COL6A5: variants seen among roughly 807,000 people sequenced by gnomAD.
The protein encoded by COL6A5 is collagen type VI alpha 5 chain.
Under a neutral mutation model 65.6 loss-of-function variants are expected in COL6A5, and 48 were observed. The ratio of observed to expected loss-of-function variants is 0.73; its 90% confidence interval spans 0.58 to 0.93. The LOEUF is 0.93. Among genes scored for constraint, COL6A5 ranks in the 40% least tolerant of loss-of-function variants. COL6A5 has a pLI of 0.00. For synonymous variants in COL6A5, 291 were observed against 322.8 expected (o/e 0.90, Z 1.05); for missense variants, 914 against 928.3 (o/e 0.98, Z 0.20).
intron 1 of COL6A5, among the ~76,000 whole-genome samples, chr3:130,371,059 A>G (rs571470153): frequency 9.2e-5 from 14 of 152,250 alleles, no homozygotes; most frequent in African/African-American, 3.1e-4. Flanking sequence ...AGCTCTGAAC[A>G]TTTACTGGCT....
intron 5 of COL6A5, 33 bp from the exon 6 acceptor site, chr3:130,388,547 G>T (rs1447965377): frequency 3.4e-6 from 5 of 1,473,550 alleles, no homozygotes; most frequent in Non-Finnish European, 4.5e-6. Context: ...TTCCAACCTG[G>T]TTATTTCTGG....
chr3:130,476,835 T>C (rs926955277), intron 7 of COL6A5: 17 of 653,900 alleles, frequency 2.6e-5, no homozygotes, highest in Admixed American at 2.3e-4. Context: ...TGTAATGATA[T>C]TATATACATC....
chr3:130,442,064 A>G (rs930543068), intron 3 of COL6A5, among the ~76,000 whole-genome samples: 6 of 152,162 alleles, frequency 3.9e-5, no homozygotes, highest in African/African-American at 1.4e-4. Context: ...TTCATATTCA[A>G]TTAAAGAATC....
intron 8 of COL6A5, 92 bp downstream of exon 8, chr3:130,395,557 T>C (rs1936569559): frequency 1.1e-6 from 1 of 910,184 alleles, no homozygotes; most frequent in East Asian, 2.6e-5. Flanking sequence ...GCAGAGCATA[T>C]ATTTAGAACA....
chr3:130,415,497 A>G (rs1937311834), intron 22 of COL6A5, 148 bp from the exon 23 acceptor site: 3 of 612,562 alleles, frequency 4.9e-6, no homozygotes, highest in Non-Finnish European at 8.0e-6. Context: ...CCTGTCCTCA[A>G]TGACTCTTAA....
chr3:130,380,120 T>G, intron 4 of COL6A5, 70 bp downstream of exon 4: 1 of 1,155,532 alleles, frequency 8.7e-7, no homozygotes, highest in South Asian at 1.8e-5. Flanking sequence ...AGGGTGGGAG[T>G]GAGGATCAAC....
intron 1 of COL6A5, among the ~76,000 whole-genome samples, chr3:130,357,799 A>G (rs1007624356): frequency 6.6e-6 from 1 of 152,192 alleles, no homozygotes; most frequent in Non-Finnish European, 1.5e-5. Context: ...CTTAAATCTT[A>G]GGTTAAAATA....
At chr3:130,425,991 A>G (rs943086217) in intron 29 of COL6A5, among the ~76,000 whole-genome samples, 2 of 152,184 alleles carry the variant, frequency 1.3e-5, no homozygotes, top group Non-Finnish European at 2.9e-5. Flanking sequence ...ACTTTGGTAA[A>G]CATTAGCTTA....
intron 1 of COL6A5, among the ~76,000 whole-genome samples, chr3:130,433,092 A>G (rs1383426226): frequency 2.6e-5 from 4 of 152,186 alleles, no homozygotes; most frequent in South Asian, 2.1e-4. Flanking sequence ...GAGAGAATCA[A>G]TCTGTTCCTA....
intron 1 of COL6A5, among the ~76,000 whole-genome samples, chr3:130,361,851 C>T (rs190771342): frequency 2.3e-3 from 355 of 152,064 alleles, no homozygotes; most frequent in Non-Finnish European, 3.6e-3. Context: ...TTTTCATATG[C>T]TTGTTAGCCA....
chr3:130,363,718 A>T (rs538538350), intron 1 of COL6A5, among the ~76,000 whole-genome samples: 2 of 152,288 alleles, frequency 1.3e-5, no homozygotes, highest in Admixed American at 6.5e-5. Flanking sequence ...GAGCTCCCTG[A>T]GGTAAAACTT....
chr3:130,418,083 A>G (rs1490522810), intron 24 of COL6A5, among the ~76,000 whole-genome samples: 2 of 152,084 alleles, frequency 1.3e-5, no homozygotes, highest in Non-Finnish European at 2.9e-5. Context: ...GTAACAAGAT[A>G]AGGCAATAGA....
chr3:130,372,492 A>G (rs907839697), intron 1 of COL6A5, among the ~76,000 whole-genome samples: 1 of 152,136 alleles, frequency 6.6e-6, no homozygotes, highest in Non-Finnish European at 1.5e-5. Context: ...ACTCAGCCAT[A>G]AAAAAGAATT....
intron 27 of COL6A5, 145 bp downstream of exon 27, chr3:130,421,505 C>A: frequency 1.4e-6 from 1 of 730,734 alleles, no homozygotes; most frequent in Admixed American, 2.5e-5. Context: ...AGGAAAGAAT[C>A]ATATTTAACC....
intron 6 of COL6A5, among the ~76,000 whole-genome samples, chr3:130,390,643 G>A (rs1936363291): frequency 6.6e-6 from 1 of 152,094 alleles, no homozygotes; most frequent in Non-Finnish European, 1.5e-5. Context: ...AAGGTTAGGG[G>A]AAAAAGCATA....
chr3:130,457,401 C>T (rs1043353256), intron 5 of COL6A5, among the ~76,000 whole-genome samples: 3 of 151,984 alleles, frequency 2.0e-5, no homozygotes, highest in Non-Finnish European at 4.4e-5. Flanking sequence ...TTGCATCAGT[C>T]ATTGTTAATG....
intron 1 of COL6A5, 42 bp downstream of exon 33, chr3:130,431,991 G>A: frequency 6.5e-7 from 1 of 1,535,246 alleles, no homozygotes; most frequent in Non-Finnish European, 8.8e-7. Flanking sequence ...TTAAGATAGA[G>A]GTAGGTATTG....
intron 1 of COL6A5, among the ~76,000 whole-genome samples, chr3:130,438,386 T>C (rs75522939): frequency 0.014 from 2,192 of 151,784 alleles, 61 homozygotes; most frequent in African/African-American, 0.049. Flanking sequence ...AAATATTTGT[T>C]GAATGAATGA....
At position 130,421,487 on chromosome 3, in the gene COL6A5, G is replaced by A. The variant is rs771724640; in HGVS notation, c.5037+127G>A. ...AACCAAGGACAGTTGTTTTCCTTGG[G>A]CTTCCTGAGGAAAGAATCATATTTA... On this transcript the variant is annotated intron_variant and NMD_transcript_variant, in intron 27 of 41. Coordinates refer to the COL6A5 transcript ENST00000312481. 407 of 835,534 alleles carry A rather than the reference G, an allele frequency of 4.9e-4. 1 individual carries two copies. The highest frequency in any genetic ancestry group is 2.2e-3 in the Middle Eastern group (7 of 3,212). The allele number at this position is 835,534 out of a possible 1,614,324, so 51.8% of individuals were successfully genotyped here.
Sources: gnomAD v4.1 joint callset for allele counts (sites outside exome capture counted in the v4.1 genomes callset) on GRCh38, gnomAD v4.1.1 for gene constraint, MANE v1.5 for transcripts, NCBI Gene and HGNC (gene_info 2026-07-23, HGNC 2026-07-21) for gene names.